ZMYM4: variants seen among roughly 807,000 people sequenced by gnomAD.
ZMYM4 encodes the protein zinc finger MYM-type protein 4.
A neutral mutation model predicts 183.2 loss-of-function variants in ZMYM4; 31 were observed. That is an observed-to-expected ratio of 0.17 (90% confidence interval 0.13 to 0.23). The LOEUF is 0.23. ZMYM4 is among the 10% of genes least tolerant of loss of function. The probability of loss-of-function intolerance (pLI) is 1.00; values close to 1 mark genes in which losing one functional copy is unlikely to be tolerated. For synonymous variants in ZMYM4, 592 were observed against 631.2 expected, an observed-to-expected ratio of 0.94 and a Z score of 0.93; for missense variants, 1,273 against 1,840.3, an observed-to-expected ratio of 0.69 and a Z score of 5.64.
chr1:35,387,365 A>G (rs948493111), intron 12 of ZMYM4, 87 bp downstream of exon 12: 21 of 1,572,260 alleles, frequency 1.3e-5, no homozygotes, highest in Non-Finnish European at 1.8e-5. Flanking sequence ...TCTCAAAATC[A>G]TACCATTTGT....
chr1:35,357,117 T>C (rs1396368445), intron 2 of ZMYM4, among the ~76,000 whole-genome samples: 2 of 152,224 alleles, frequency 1.3e-5, no homozygotes, highest in African/African-American at 4.8e-5. Context: ...CTTGAACTCC[T>C]GGCCTCAAAC....
At chr1:35,382,587 C>A (rs532671650) in intron 9 of ZMYM4, among the ~76,000 whole-genome samples, 1 of 151,520 alleles carries the variant, frequency 6.6e-6, no homozygotes, top group African/African-American at 2.4e-5. Context: ...GGATTACAGG[C>A]GCCCACCACC....
intron 11 of ZMYM4, 98 bp downstream of exon 11, chr1:35,386,287 A>C (rs1289481817): frequency 1.2e-6 from 1 of 800,120 alleles, no homozygotes; most frequent in East Asian, 2.8e-5. Context: ...AGACTGGGTA[A>C]TTTATAAAGA....
chr1:35,385,458 C>T lies in ZMYM4; in HGVS notation c.1586C>T (p.Thr529Ile), dbSNP rs1277254232. 1.9e-6 allele frequency: 3 copies of T among 1,605,512 alleles called. No individual in the cohort carries two copies. The highest frequency in any genetic ancestry group is 2.5e-6 in the Non-Finnish European group (3 of 1,178,016). ...TCTTAATAGAAATCAGCCAAAATTA[C>T]ACCGTGTGCGCTTTGCAAATCATTG... ...TAYKQKSAKI[T>I]PCALCKSLRS... Residue 529 changes from threonine to isoleucine, a missense_variant, in exon 10 of 30, where the codon ACA becomes ATA. Thr to Ile is a moderately conservative substitution (Grantham distance 89). Around this residue, in one of 6 missense-constraint regions of ZMYM4, gnomAD observed 319 missense variants for 518.1 expected, o/e 0.62. Coordinates refer to ENST00000314607, the MANE Select transcript of ZMYM4 (RefSeq NM_005095.3).
intron 7 of ZMYM4, among the ~76,000 whole-genome samples, chr1:35,377,421 C>T (rs1230846764): frequency 6.6e-6 from 1 of 152,140 alleles, no homozygotes; most frequent in African/African-American, 2.4e-5. Flanking sequence ...ATATTAGGTG[C>T]TCCTAACGAT....
intron 1 of ZMYM4, among the ~76,000 whole-genome samples, chr1:35,321,215 C>T (rs767952909): frequency 1.3e-5 from 2 of 152,100 alleles, no homozygotes; most frequent in East Asian, 1.9e-4. Context: ...TCACATTGGT[C>T]GTAGTATCAC....
At chr1:35,365,530 A>G (rs745374353) in intron 5 of ZMYM4, among the ~76,000 whole-genome samples, 1 of 152,190 alleles carries the variant, frequency 6.6e-6, no homozygotes, top group African/African-American at 2.4e-5. Flanking sequence ...ACTAATTGTC[A>G]TAATAGTCAT....
chr1:35,373,544 AT>A lies in ZMYM4; in HGVS notation c.1181+2939del, dbSNP rs202022428. ...AGGCATCCGCCACCATGCACAGCTA[AT>A]TTTTTTTTTTTTTTTTTTTTTGTAT... On this transcript the variant is annotated intron_variant, in intron 7 of 29. Transcript: ENST00000314607. Among the ~76,000 whole-genome samples the A allele has an allele frequency of 3.8e-3, 463 of 122,810 alleles. 3 individuals carry two copies. Among genetic ancestry groups the A allele is most frequent in the African/African-American group, 9.2e-3 (299 of 32,344 alleles). 80.6% of individuals were successfully genotyped at this position (122,810 alleles called of 152,430 possible).
rs1641052048 is a variant in ZMYM4 at position 35,297,008 on chromosome 1, C to T, written c.39+27923C>T. Among the ~76,000 whole-genome samples the T allele has an allele frequency of 2.6e-5, 4 of 151,944 alleles. No individual in the cohort carries two copies. In the South Asian group the frequency reaches 8.3e-4, roughly 31 times the overall value. ...AGGATTACAGGCGTGCGCCACCACA[C>T]CCTGCTAACGTTTGCATTTTTAGTA... On this transcript the variant is annotated intron_variant, in intron 1 of 29. Coordinates refer to ENST00000314607, the MANE Select transcript of ZMYM4 (RefSeq NM_005095.3).
chr1:35,338,301 C>T (rs1292346175), intron 2 of ZMYM4, among the ~76,000 whole-genome samples: 1 of 152,226 alleles, frequency 6.6e-6, no homozygotes, highest in Non-Finnish European at 1.5e-5. Context: ...TGGGCTTGAA[C>T]TGTACGGGTC....
intron 26 of ZMYM4, among the ~76,000 whole-genome samples, chr1:35,410,487 T>C (rs905360921): frequency 6.6e-6 from 1 of 150,992 alleles, no homozygotes; most frequent in Non-Finnish European, 1.5e-5. Context: ...TGTTTATTAA[T>C]TAATTTATTT....
At chr1:35,331,078 A>G (rs996002955) in intron 2 of ZMYM4, among the ~76,000 whole-genome samples, 1 of 150,584 alleles carries the variant, frequency 6.6e-6, no homozygotes, top group African/African-American at 2.4e-5. Flanking sequence ...TCTAAATGGA[A>G]CAAACAAAAA....
At chr1:35,347,740 T>C (rs914712027) in intron 2 of ZMYM4, among the ~76,000 whole-genome samples, 17 of 152,162 alleles carry the variant, frequency 1.1e-4, no homozygotes, top group African/African-American at 3.9e-4. Flanking sequence ...GGCCTAAAGA[T>C]TGGGGTATAG....
At chr1:35,356,586 A>T (rs1045098814) in intron 2 of ZMYM4, among the ~76,000 whole-genome samples, 4 of 152,156 alleles carry the variant, frequency 2.6e-5, no homozygotes, top group African/African-American at 9.7e-5. Flanking sequence ...CTTCCCTTTG[A>T]CATTATGGAC....
chr1:35,370,727 CTTTT>C (rs3066096), intron 7 of ZMYM4, 100 bp downstream of exon 7: 519 of 283,380 alleles, frequency 1.8e-3, no homozygotes, highest in East Asian at 5.8e-3. Context: ...ACATTTATTC[CTTTT>C]TTTTTTTTTT....
intron 1 of ZMYM4, among the ~76,000 whole-genome samples, chr1:35,296,198 GAA>G (rs1320438496): frequency 6.6e-6 from 1 of 152,164 alleles, no homozygotes; most frequent in East Asian, 1.9e-4. Context: ...GCCTTCTCAG[GAA>G]ATGTAGTTGG....
intron 1 of ZMYM4, among the ~76,000 whole-genome samples, chr1:35,316,847 A>G (rs1176521146): frequency 6.6e-6 from 1 of 152,126 alleles, no homozygotes; most frequent in East Asian, 1.9e-4. Context: ...AAAAAATTCA[A>G]TTGGTGGCTC....
chr1:35,305,093 C>T (rs766624101), intron 1 of ZMYM4, among the ~76,000 whole-genome samples: 1 of 152,198 alleles, frequency 6.6e-6, no homozygotes, highest in African/African-American at 2.4e-5. Flanking sequence ...ATCCATCCGC[C>T]TTGGCCTCCC....
In ZMYM4 at chr1:35,269,083, A is replaced by C. The variant is rs372268390; in HGVS notation, c.37A>C (p.Arg13=). The stretch of plus-strand genomic sequence containing the variant: ...AGAGGTGGAGTCCGGCCCCCGAAAG[A>C]GGGTAGGTGAGGTGAGGCAGAACTC... ...EREVESGPRK[R]FEQKSGAVFD... Residue 13 remains arginine (R), a splice_region_variant and synonymous_variant, in exon 1 of 30, where the codon AGG becomes CGG. Transcript: ENST00000314607. The C allele has an allele frequency of 4.8e-5, 74 of 1,547,564 alleles. No individual in the cohort carries two copies. The East Asian group carries it at 9.0e-4, about 19-fold the overall frequency.
Sources: allele counts gnomAD v4.1 joint callset (sites outside exome capture counted in the v4.1 genomes callset), GRCh38; gene constraint gnomAD v4.1.1; regional missense constraint gnomAD v4.1.1; transcripts MANE v1.5; gene names NCBI Gene and HGNC (gene_info 2026-07-23, HGNC 2026-07-21).